TCF20: variants seen among roughly 807,000 people sequenced by gnomAD.
TCF20 encodes SPRE-binding protein.
Under a neutral mutation model 148.6 loss-of-function variants are expected in TCF20, and 3 were observed. The ratio of observed to expected loss-of-function variants is 0.02; its 90% CI spans 0.01 to 0.05. The LOEUF (loss-of-function observed/expected upper bound fraction) is 0.05, where lower values mean the gene tolerates loss of function less well. Ranked by LOEUF, TCF20 falls within the 10% of genes least tolerant of loss-of-function variation. The pLI is 1.00. For missense variants in TCF20, 2,350 were observed against 2,429.3 expected (o/e 0.97, Z 0.69); for synonymous variants, 1,049 against 909.5 (o/e 1.15, Z -2.76).
Position 42,213,106 on chromosome 22 carries a change from C to T in TCF20, c.2200G>A (p.Gly734Arg). 1.2e-6 allele frequency: 2 copies of T among 1,614,178 alleles called. No individual in the cohort carries two copies. The highest frequency in any genetic ancestry group is 1.7e-6 in the Non-Finnish European group (2 of 1,180,042). The change falls in exon 2 of 6, where the codon GGA becomes AGA. Residue 734 changes from glycine (G) to arginine (R), a missense_variant. Gly to Arg is a moderately radical substitution (Grantham distance 125). Transcript: ENST00000677622. ...CGTTCCCCATGGCCAGTGAAATCTC[C>T]CTTTTCTTGCCCTGTAGGATACTGA... is the stretch of plus-strand genomic sequence containing the variant. ...FPQYPTGQEK[G>R]DFTGHGERKG...
At chr22:42,240,024 C>T (rs992102534) in intron 1 of TCF20, among the ~76,000 whole-genome samples, 3 of 151,984 alleles carry the variant, frequency 2.0e-5, no homozygotes, top group African/African-American at 7.2e-5. Context: ...CCTGTATTTC[C>T]AAAGCTTCTA....
chr22:42,336,869 CT>C (rs1260288640), intron 1 of TCF20, among the ~76,000 whole-genome samples: 1 of 152,210 alleles, frequency 6.6e-6, no homozygotes, highest in Non-Finnish European at 1.5e-5. Flanking sequence ...CCAGAGGACC[CT>C]GGCCAGCGGT....
chr22:42,206,669 G>C (rs1938409115), intron 2 of TCF20, among the ~76,000 whole-genome samples: 1 of 152,164 alleles, frequency 6.6e-6, no homozygotes. Context: ...TAATAATGGA[G>C]ACAGGGAAGG....
intron 2 of TCF20, among the ~76,000 whole-genome samples, chr22:42,183,803 G>A (rs1416876081): frequency 5.5e-5 from 8 of 146,330 alleles, no homozygotes; most frequent in East Asian, 2.0e-4. Flanking sequence ...ATGGAGTTTC[G>A]CTCTTGTCGC....
intron 1 of TCF20, among the ~76,000 whole-genome samples, chr22:42,303,510 T>C (rs1927375928): frequency 6.6e-6 from 1 of 152,226 alleles, no homozygotes; most frequent in African/African-American, 2.4e-5. Flanking sequence ...TATTACACCG[T>C]TTTCCAGCCG....
intron 1 of TCF20, among the ~76,000 whole-genome samples, chr22:42,244,122 C>G (rs764345338): frequency 6.6e-6 from 1 of 152,062 alleles, no homozygotes; most frequent in African/African-American, 2.4e-5. Flanking sequence ...GAGAATCACT[C>G]GAGCCCAGTG....
intron 1 of TCF20, among the ~76,000 whole-genome samples, chr22:42,245,263 T>C (rs755935852): frequency 6.6e-6 from 1 of 152,084 alleles, no homozygotes; most frequent in Non-Finnish European, 1.5e-5. Context: ...ATTTTTAATT[T>C]TGTAGAGACG....
intron 2 of TCF20, among the ~76,000 whole-genome samples, chr22:42,195,688 T>C (rs1435614201): frequency 2.6e-5 from 4 of 151,954 alleles, no homozygotes; most frequent in African/African-American, 9.7e-5. Flanking sequence ...TTAGTAGAGA[T>C]GGGGTTTCCC....
intron 1 of TCF20, among the ~76,000 whole-genome samples, chr22:42,281,339 C>G (rs950413566): frequency 1.3e-5 from 2 of 152,194 alleles, no homozygotes; most frequent in East Asian, 3.8e-4. Context: ...CCAAAGAAGG[C>G]GAGTTTGCAA....
chr22:42,204,812 T>C (rs2147176991), intron 2 of TCF20, among the ~76,000 whole-genome samples: 2 of 152,258 alleles, frequency 1.3e-5, no homozygotes, highest in East Asian at 3.9e-4. Context: ...GCCACTGCAC[T>C]CCAGCCTGGC....
rs763265100 is a variant in TCF20 at position 42,212,635 on chromosome 22, C to T, written c.2671G>A (p.Asp891Asn). Reference sequence around the variant, plus strand: ...CGGTCATTCCTCCCAATTCTGGTGTCGGCACTCATGTGTCCCAGTGAGTGA... The same window carrying T: ...CGGTCATTCCTCCCAATTCTGGTGTTGGCACTCATGTGTCCCAGTGAGTGA... ...GAHSLGHMSA[D>N]TRIGRNDRLN... The change falls in exon 2 of 6, where the codon GAC becomes AAC. Residue 891 changes from aspartate (D) to asparagine (N), a missense_variant. Transcript: ENST00000677622. 6 of 1,613,990 alleles carry T rather than the reference C, an allele frequency of 3.7e-6. No individual in the cohort carries two copies. Among genetic ancestry groups the T allele is most frequent in the East Asian group, 2.2e-5 (1 of 44,890 alleles).
chr22:42,201,346 T>C (rs1938000833), intron 2 of TCF20, among the ~76,000 whole-genome samples: 1 of 152,220 alleles, frequency 6.6e-6, no homozygotes, highest in Non-Finnish European at 1.5e-5. Context: ...TTCACTGTTT[T>C]AGGGGAGGAG....
At position 42,213,153 on chromosome 22, in the gene TCF20, G is replaced by A; in HGVS notation, c.2153C>T (p.Pro718Leu). The A allele has an allele frequency of 6.2e-7, 1 of 1,614,142 alleles. No homozygotes were observed. The highest frequency in any genetic ancestry group is 8.5e-7 in the Non-Finnish European group (1 of 1,180,026). Residue 718 changes from proline to leucine, a missense_variant, in exon 2 of 6, where the codon CCA becomes CTA. Coordinates refer to ENST00000677622, the MANE Select transcript of TCF20 (RefSeq NM_001378418.1). Reference sequence around the variant, plus strand: ...CTGAGGAAAGCCACTGACATTTCGTGGCACGGCTGACCCGAAACTATCTTT... The same window carrying A: ...CTGAGGAAAGCCACTGACATTTCGTAGCACGGCTGACCCGAAACTATCTTT... ...SYKDSFGSAV[P>L]RNVSGFPQYP...
chr22:42,213,438 T>C lies in TCF20; in HGVS notation c.1868A>G (p.Gln623Arg), dbSNP rs1308373177. Residue 623 changes from glutamine (Q) to arginine (R), a missense_variant, in exon 2 of 6, where the codon CAA becomes CGA. Coordinates refer to ENST00000677622, the MANE Select transcript of TCF20 (RefSeq NM_001378418.1). ...ATCATCCTCTTGGGAGCCTTTATCT[T>C]GTCCACCAGGCTTTTCTACCCGACC... is the stretch of plus-strand genomic sequence containing the variant. Reference protein sequence around the residue: ...MTGRVEKPGGQDKGSQEDDPA... With the variant: ...MTGRVEKPGGRDKGSQEDDPA... 1.2e-6 allele frequency: 2 copies of C among 1,614,222 alleles called. No individual in the cohort carries two copies. Among genetic ancestry groups the C allele is most frequent in the South Asian group, 1.1e-5 (1 of 91,078 alleles).
chr22:42,303,083 C>A (rs543633018), intron 1 of TCF20, among the ~76,000 whole-genome samples: 61 of 152,358 alleles, frequency 4.0e-4, no homozygotes, highest in African/African-American at 1.4e-3. Flanking sequence ...GTGCCCAACA[C>A]AACGCTCGGA....
chr22:42,179,517 G>C, intron 3 of TCF20, 92 bp downstream of exon 3: 6 of 580,566 alleles, frequency 1.0e-5, no homozygotes, highest in Non-Finnish European at 8.2e-6. Context: ...AAAAAGAAAA[G>C]AAAAGAAAAA....
upstream of TCF20, among the ~76,000 whole-genome samples, chr22:42,286,622 G>T (rs1002994687): frequency 6.6e-6 from 1 of 152,248 alleles, no homozygotes; most frequent in African/African-American, 2.4e-5. Flanking sequence ...TCAGAGCAAG[G>T]TGTCCAGAGG....
At chr22:42,309,940 C>T (rs914568003) in intron 1 of TCF20, among the ~76,000 whole-genome samples, 1 of 152,250 alleles carries the variant, frequency 6.6e-6, no homozygotes, top group Non-Finnish European at 1.5e-5. Flanking sequence ...TAACTCCACA[C>T]TGGCCCTAAT....
At chr22:42,171,158 A>C (rs985232043) in intron 3 of TCF20, among the ~76,000 whole-genome samples, 3 of 152,234 alleles carry the variant, frequency 2.0e-5, no homozygotes, top group African/African-American at 7.2e-5. Flanking sequence ...GATCAGGGCA[A>C]GGAAATCTAA....
Sources: allele counts gnomAD v4.1 joint callset (sites outside exome capture counted in the v4.1 genomes callset), GRCh38; gene constraint gnomAD v4.1.1; transcripts MANE v1.5; gene names NCBI Gene and HGNC (gene_info 2026-07-23, HGNC 2026-07-21).